PHF20L1: variants seen among roughly 807,000 people sequenced by gnomAD.
PHF20L1 encodes PHD finger protein 20-like protein 1.
Under a neutral mutation model 125.5 loss-of-function variants are expected in PHF20L1, and 44 were observed. The ratio of observed to expected loss-of-function variants is 0.35; its 90% CI spans 0.28 to 0.45. PHF20L1 has a LOEUF of 0.45. Among genes scored for constraint, PHF20L1 ranks in the 20% least tolerant of loss-of-function variants. The probability of loss-of-function intolerance (pLI) is 1.00; values close to 1 mark genes in which losing one functional copy is unlikely to be tolerated. For synonymous variants in PHF20L1, 380 were observed against 403.1 expected, an observed-to-expected ratio of 0.94 and a Z score of 0.69; for missense variants, 1,012 against 1,217.2, an observed-to-expected ratio of 0.83 and a Z score of 2.51.
intron 8 of PHF20L1, 65 bp from the exon 9 acceptor site, chr8:132,810,980 CA>C (rs1213919141): frequency 2.1e-6 from 2 of 970,792 alleles, no homozygotes; most frequent in African/African-American, 3.2e-5. Flanking sequence ...AAGATTTTTG[CA>C]AAGTTAATTA....
rs1291417268 is a variant in PHF20L1 at position 132,810,529 on chromosome 8, GA to G, written c.848-515del. Reference sequence around the variant, plus strand: ...TCCATCTGTGTTTAAACTCTTATAAGAAGGTAAGGTACAACTGGACACACAT... The same window carrying G: ...TCCATCTGTGTTTAAACTCTTATAAGAGGTAAGGTACAACTGGACACACAT... On this transcript the variant is annotated intron_variant, in intron 8 of 20. Transcript: ENST00000395386. The G allele has an allele frequency of 3.3e-5, 5 of 152,484 alleles. No individual in the cohort carries two copies. In the East Asian group the frequency reaches 9.6e-4, roughly 29 times the overall value. The allele number at this position is 152,484 out of a possible 1,614,324, so 9.4% of individuals were successfully genotyped here.
chr8:132,778,545 A>T (rs1366126891), intron 2 of PHF20L1, among the ~76,000 whole-genome samples: 1 of 152,168 alleles, frequency 6.6e-6, no homozygotes, highest in Non-Finnish European at 1.5e-5. Flanking sequence ...GTAAGTGGTA[A>T]ATTTAAACAC....
intron 2 of PHF20L1, among the ~76,000 whole-genome samples, chr8:132,785,822 C>G (rs1172189220): frequency 6.6e-6 from 1 of 151,968 alleles, no homozygotes; most frequent in Non-Finnish European, 1.5e-5. Context: ...AAAAAAGTTA[C>G]CATGAATTAG....
At chr8:132,784,814 T>A (rs940171412) in intron 2 of PHF20L1, among the ~76,000 whole-genome samples, 3 of 152,198 alleles carry the variant, frequency 2.0e-5, no homozygotes, top group Admixed American at 2.0e-4. Context: ...CGGGCCACCG[T>A]AGTTTCTGAC....
chr8:132,791,293 T>C (rs1420860247), intron 2 of PHF20L1, among the ~76,000 whole-genome samples: 1 of 147,820 alleles, frequency 6.8e-6, no homozygotes, highest in Non-Finnish European at 1.5e-5. Flanking sequence ...GGAGTTTCAC[T>C]ATTGTTGCCC....
At chr8:132,812,443 G>T (rs779000640) in intron 9 of PHF20L1, 1 of 984,646 alleles carries the variant, frequency 1.0e-6, no homozygotes, top group African/African-American at 1.7e-5. Context: ...AGAAAACCAC[G>T]TTTTGAAATT....
intron 1 of PHF20L1, 89 bp from the exon 2 acceptor site, chr8:132,777,703 T>C (rs1336275451): frequency 1.4e-5 from 9 of 629,570 alleles, no homozygotes; most frequent in Non-Finnish European, 2.3e-5. Flanking sequence ...TTTTAGAAAT[T>C]CTGTTTAATT....
At position 132,812,903 on chromosome 8, in the gene PHF20L1, A is replaced by G. The variant is rs889316315; in HGVS notation, c.931-1734A>G. The G allele has an allele frequency of 5.1e-6, 5 of 979,576 alleles. No individual in the cohort carries two copies. In the African/African-American group the frequency reaches 7.0e-5, roughly 14 times the overall value. 60.7% of individuals were successfully genotyped at this position (979,576 alleles called of 1,614,324 possible). On this transcript the variant is annotated intron_variant, in intron 9 of 20. Transcript: ENST00000395386. ...ACTTATTTATATTTTTTAAAAATTC[A>G]AACTGTGGTCTTGAACCCCAATTCT...
In PHF20L1 at chr8:132,832,403, T is replaced by C. The variant is rs1836871654; in HGVS notation, c.1909+4T>C. 3 of 1,597,336 alleles carry C rather than the reference T, an allele frequency of 1.9e-6. No individual in the cohort carries two copies. Among genetic ancestry groups the C allele is most frequent in the Admixed American group, 1.7e-5 (1 of 59,522 alleles). On this transcript the variant is annotated splice_donor_region_variant and intron_variant, in intron 15 of 20. Coordinates refer to ENST00000395386, the MANE Select transcript of PHF20L1 (RefSeq NM_016018.5). ...TCCGTTGATCTTAGTGGTGAAAGTA[T>C]GTGTAACCATGTGATGGTTAAAACA...
chr8:132,839,499 A>G lies in PHF20L1; in HGVS notation c.2304A>G (p.Ile768Met), dbSNP rs761800718. 8 of 1,613,282 alleles carry G rather than the reference A, an allele frequency of 5.0e-6. No individual in the cohort carries two copies. In the East Asian group the frequency reaches 1.8e-4, roughly 36 times the overall value. Residue 768 changes from isoleucine (I) to methionine (M), a missense_variant, in exon 18 of 21, where the codon ATA becomes ATG. By Grantham distance (10) the Ile-to-Met change is conservative. This residue lies in a region of PHF20L1 where 55 missense variants were observed against 114.8 expected (regional missense o/e 0.48). Transcript: ENST00000395386. ...ATTCTCATCTCAATGCCAAAAAGATAGTTTCTACACATCACCTGCTTGCTG... is the reference window on the plus strand; with the variant it reads ...ATTCTCATCTCAATGCCAAAAAGATGGTTTCTACACATCACCTGCTTGCTG... ...ENYSHLNAKK[I>M]VSTHHLLADV...
At chr8:132,793,871 A>G (rs1832072370) in intron 2 of PHF20L1, among the ~76,000 whole-genome samples, 2 of 152,184 alleles carry the variant, frequency 1.3e-5, no homozygotes, top group Admixed American at 6.6e-5. Flanking sequence ...TTGCTAGACA[A>G]AATTTACATA....
intron 14 of PHF20L1, among the ~76,000 whole-genome samples, chr8:132,828,754 C>A (rs978800209): frequency 4.6e-5 from 7 of 151,958 alleles, no homozygotes; most frequent in Admixed American, 1.3e-4. Flanking sequence ...TTACTTTGAG[C>A]AAATCACTTC....
intron 12 of PHF20L1, among the ~76,000 whole-genome samples, chr8:132,823,604 G>A (rs1028788643): frequency 7.9e-5 from 12 of 151,800 alleles, no homozygotes; most frequent in Admixed American, 1.3e-4. Context: ...AAAAAATTAC[G>A]TATTTACCAG....
intron 12 of PHF20L1, among the ~76,000 whole-genome samples, chr8:132,822,994 A>G (rs1563831885): frequency 6.6e-6 from 1 of 151,964 alleles, no homozygotes. Flanking sequence ...AGATATTAGC[A>G]TTGGGAATGG....
chr8:132,800,376 A>G (rs888630215), intron 6 of PHF20L1, among the ~76,000 whole-genome samples: 2 of 151,686 alleles, frequency 1.3e-5, no homozygotes, highest in Admixed American at 6.6e-5. Context: ...AATCACAGCA[A>G]CGTTAACAAT....
intron 19 of PHF20L1, chr8:132,843,204 C>T (rs1838102906): frequency 2.9e-6 from 3 of 1,020,740 alleles, no homozygotes; most frequent in Admixed American, 5.2e-5. Context: ...TGTGAAAGTA[C>T]ATATGGGTGT....
At chr8:132,791,725 A>C (rs1306303034) in intron 2 of PHF20L1, among the ~76,000 whole-genome samples, 1 of 152,228 alleles carries the variant, frequency 6.6e-6, no homozygotes, top group African/African-American at 2.4e-5. Flanking sequence ...GATAAAAATT[A>C]AAATAGAGAA....
rs1350424891 is a variant in PHF20L1, at chr8:132,823,422, T to C, written c.1580-582T>C. 2.0e-5 allele frequency among the ~76,000 whole-genome samples: 3 copies of C among 152,006 alleles called. No individual in the cohort carries two copies. In the East Asian group the frequency reaches 5.8e-4, roughly 29 times the overall value. ...AAGTAGAAATGGTACCTGGAACTAC[T>C]ACTCAGATGAATTTCAGTATCTTTT... On this transcript the variant is annotated intron_variant, in intron 12 of 20. Transcript: ENST00000395386.
rs1838562249 is a variant in PHF20L1, at chr8:132,848,388, T to C, written c.*2465T>C. The C allele has an allele frequency of 6.6e-6, 1 of 152,578 alleles. No homozygotes were observed. The highest frequency in any genetic ancestry group is 2.1e-4 in the South Asian group (1 of 4,834). 9.5% of individuals were successfully genotyped at this position (152,578 alleles called of 1,614,324 possible). A position where few individuals can be genotyped will look rare whatever the true frequency, so the allele number is the denominator to read the frequency against. ...TCTTATTGAAGAGAGTGAATTAGTT[T>C]CTGAGAAGTCAGTCTATTGTGAAAA... is the stretch of plus-strand genomic sequence containing the variant. On this transcript the variant is annotated 3_prime_UTR_variant, in exon 21 of 21. Transcript: ENST00000395386.
Sources: allele counts gnomAD v4.1 joint callset (sites outside exome capture counted in the v4.1 genomes callset), GRCh38; gene constraint gnomAD v4.1.1; regional missense constraint gnomAD v4.1.1; transcripts MANE v1.5; gene names NCBI Gene and HGNC (gene_info 2026-07-23, HGNC 2026-07-21).